SEPTIN9: variants seen among roughly 807,000 people sequenced by gnomAD.
The protein encoded by SEPTIN9 is septin-9.
A neutral mutation model predicts 56.6 loss-of-function variants in SEPTIN9; 13 were observed. The observed-to-expected ratio is 0.23, with a 90% CI of 0.15 to 0.37. The LOEUF is 0.37. Among genes scored for constraint, SEPTIN9 ranks in the 10% least tolerant of loss-of-function variants. The probability of loss-of-function intolerance (pLI) is 1.00; values close to 1 mark genes in which losing one functional copy is unlikely to be tolerated. For missense variants in SEPTIN9, 650 were observed against 823.1 expected, an observed-to-expected ratio of 0.79 and a Z score of 2.57; for synonymous variants, 332 against 334.1, an observed-to-expected ratio of 0.99 and a Z score of 0.07.
In SEPTIN9 at chr17:77,288,051, A is replaced by C. The variant is rs2031355498; in HGVS notation, c.19+6497A>C. The C allele has an allele frequency of 6.6e-6, 7 of 1,062,538 alleles. No individual in the cohort carries two copies. In the South Asian group the frequency reaches 3.2e-4, roughly 48 times the overall value. 65.8% of individuals were successfully genotyped at this position (1,062,538 alleles called of 1,614,324 possible). On this transcript the variant is annotated intron_variant, in intron 1 of 11. Coordinates refer to ENST00000427177, the MANE Select transcript of SEPTIN9 (RefSeq NM_001113491.2). Reference sequence around the variant, plus strand: ...CTGCCCTGAGTGTGTGGGTCCCCAGAAGTGCTGGGTTAGGGGGCACGGAGG... The same window carrying C: ...CTGCCCTGAGTGTGTGGGTCCCCAGCAGTGCTGGGTTAGGGGGCACGGAGG...
intron 2 of SEPTIN9, among the ~76,000 whole-genome samples, chr17:77,345,949 GTTTT>G (rs1162572842): frequency 6.6e-6 from 1 of 151,652 alleles, no homozygotes; most frequent in Non-Finnish European, 1.5e-5. Flanking sequence ...GTTTTGTTTT[GTTTT>G]GTTTTGTTTT....
intron 2 of SEPTIN9, among the ~76,000 whole-genome samples, chr17:77,321,142 G>A (rs562309355): frequency 2.0e-5 from 3 of 152,296 alleles, no homozygotes; most frequent in Admixed American, 6.5e-5. Context: ...CGCTCATGCC[G>A]CCCTCTGAGC....
intron 3 of SEPTIN9, among the ~76,000 whole-genome samples, chr17:77,447,914 C>A (rs28491633): frequency 0.01 from 1,596 of 152,314 alleles, 31 homozygotes; most frequent in African/African-American, 0.034. Flanking sequence ...TGTGAGCCAA[C>A]ACACCTGGCC....
At chr17:77,314,033 T>C (rs2143626758) in intron 2 of SEPTIN9, among the ~76,000 whole-genome samples, 1 of 152,138 alleles carries the variant, frequency 6.6e-6, no homozygotes, top group Admixed American at 6.5e-5. Context: ...GACCCCGTCT[T>C]GACTAAAAAT....
At chr17:77,482,527 T>A in intron 4 of SEPTIN9, 192 bp downstream of exon 4, 2 of 721,606 alleles carry the variant, frequency 2.8e-6, no homozygotes, top group Non-Finnish European at 2.5e-6. Flanking sequence ...CTCCAGCGGC[T>A]CCTCAGAGGG....
chr17:77,387,746 C>T lies in SEPTIN9; in HGVS notation c.77-14313C>T, dbSNP rs190506227. Among the ~76,000 whole-genome samples the T allele has an allele frequency of 1.3e-4, 20 of 152,222 alleles. No homozygotes were observed. In the East Asian group the frequency reaches 3.7e-3, roughly 28 times the overall value. On this transcript the variant is annotated intron_variant, in intron 2 of 11. Coordinates refer to ENST00000427177, the MANE Select transcript of SEPTIN9 (RefSeq NM_001113491.2). ...AGGTCCCAAGGTGGATGGTAAGAGG[C>T]GGCTGTCCCTGCCACACTTGATGGG...
chr17:77,472,137 A>G (rs1007800296), intron 3 of SEPTIN9, among the ~76,000 whole-genome samples: 13 of 151,802 alleles, frequency 8.6e-5, no homozygotes, highest in African/African-American at 2.9e-4. Context: ...TGGGTGAAAA[A>G]ACTCAGGCTA....
chr17:77,476,092 C>T lies in SEPTIN9; in HGVS notation c.722-6052C>T, dbSNP rs1217438228. On this transcript the variant is annotated intron_variant, in intron 3 of 11. Transcript: ENST00000427177. The surrounding 1 kb of genome is among the most constrained non-coding windows in gnomAD (Gnocchi z 6.0). ...TCAGGGTCCCTTGCCCCAGCGGCACCATCTCTGCATTTGGCCAGCAAGGCT... is the reference window on the plus strand; with the variant it reads ...TCAGGGTCCCTTGCCCCAGCGGCACTATCTCTGCATTTGGCCAGCAAGGCT... Among the ~76,000 whole-genome samples, 3 of 152,136 alleles carry T rather than the reference C, an allele frequency of 2.0e-5. No individual in the cohort carries two copies. Among genetic ancestry groups the T allele is most frequent in the Non-Finnish European group, 4.4e-5 (3 of 68,022 alleles).
chr17:77,496,671 G>A (rs1373795243), intron 10 of SEPTIN9, among the ~76,000 whole-genome samples: 1 of 152,248 alleles, frequency 6.6e-6, no homozygotes, highest in African/African-American at 2.4e-5. Flanking sequence ...ACTGTCCCGA[G>A]CTTGGGCTTG....
chr17:77,477,031 C>A (rs571991331), intron 3 of SEPTIN9, among the ~76,000 whole-genome samples: 55 of 152,138 alleles, frequency 3.6e-4, no homozygotes, highest in Non-Finnish European at 6.8e-4. Flanking sequence ...ACTCTTCAAT[C>A]CAGCTCCACT....
intron 2 of SEPTIN9, among the ~76,000 whole-genome samples, chr17:77,382,769 G>C (rs1037490954): frequency 1.3e-5 from 2 of 152,160 alleles, no homozygotes; most frequent in Non-Finnish European, 2.9e-5. Flanking sequence ...TGGGGGAGGA[G>C]ATCCTTCATT....
At chr17:77,351,219 C>T (rs1255177114) in intron 2 of SEPTIN9, among the ~76,000 whole-genome samples, 2 of 140,890 alleles carry the variant, frequency 1.4e-5, no homozygotes, top group African/African-American at 2.7e-5. Context: ...CACATGTGCG[C>T]GTGCACACAA....
intron 3 of SEPTIN9, among the ~76,000 whole-genome samples, chr17:77,452,541 C>T (rs909660532): frequency 2.1e-4 from 32 of 152,242 alleles, no homozygotes; most frequent in African/African-American, 7.2e-4. Flanking sequence ...AATTCCTTTC[C>T]TGGAGAAAAA....
At position 77,451,746 on chromosome 17, in the gene SEPTIN9, A is replaced by G. The variant is rs978275519; in HGVS notation, c.722-30398A>G. On this transcript the variant is annotated intron_variant, in intron 3 of 11. Transcript: ENST00000427177. The surrounding 1 kb of genome is among the most constrained non-coding windows in gnomAD (Gnocchi z 4.2). ...CGCGGGGACCAGATTTTCGGCCTCA[A>G]AATAGAAGAATAGGGCTTTGTGTGG... 6.6e-6 allele frequency among the ~76,000 whole-genome samples: 1 copy of G among 152,210 alleles called. No homozygotes were observed. The highest frequency in any genetic ancestry group is 1.9e-4 in the East Asian group (1 of 5,184).
chr17:77,482,725 C>T, intron 4 of SEPTIN9: 1 of 588,312 alleles, frequency 1.7e-6, no homozygotes, highest in Non-Finnish European at 3.0e-6. Flanking sequence ...CCCACCGCAC[C>T]CCGGCCAGAG....
At chr17:77,412,304 A>C (rs55661113) in intron 3 of SEPTIN9, among the ~76,000 whole-genome samples, 47,990 of 151,922 alleles carry the variant, frequency 0.32, 8,340 homozygotes, top group Non-Finnish European at 0.4. Flanking sequence ...CTGAGGGCCA[A>C]ATGCTCTCCA....
intron 2 of SEPTIN9, among the ~76,000 whole-genome samples, chr17:77,364,993 C>T (rs931690288): frequency 2.6e-5 from 4 of 152,212 alleles, no homozygotes; most frequent in Non-Finnish European, 4.4e-5. Flanking sequence ...TCCACAGGTT[C>T]CCATAGTTAG....
chr17:77,393,919 A>C lies in SEPTIN9; in HGVS notation c.77-8140A>C, dbSNP rs142768646. On this transcript the variant is annotated intron_variant, in intron 2 of 11. Transcript: ENST00000427177. ...ACCTTATTACCCCATCACCTCCTAC[A>C]GCAGGTGACACTGAGGACACTGAGG... Among the ~76,000 whole-genome samples, 4 of 152,268 alleles carry C rather than the reference A, an allele frequency of 2.6e-5. No individual in the cohort carries two copies. The East Asian group carries it at 7.7e-4, about 29-fold the overall frequency.
chr17:77,365,195 C>T lies in SEPTIN9; in HGVS notation c.77-36864C>T, dbSNP rs375476431. 4.6e-5 allele frequency among the ~76,000 whole-genome samples: 7 copies of T among 152,110 alleles called. No individual in the cohort carries two copies. In the East Asian group the frequency reaches 5.8e-4, roughly 13 times the overall value. On this transcript the variant is annotated intron_variant, in intron 2 of 11. Transcript: ENST00000427177. ...ACATCTTCTTTCCACTTTTCTGTTC[C>T]GGAAAGAGTAGAGTGGATATGCGCT...
Sources: allele counts gnomAD v4.1 joint callset (sites outside exome capture counted in the v4.1 genomes callset), GRCh38; gene constraint gnomAD v4.1.1; non-coding constraint Gnocchi (gnomAD v3.1); transcripts MANE v1.5; gene names NCBI Gene and HGNC (gene_info 2026-07-23, HGNC 2026-07-21).